NKAIN2: variants seen among roughly 807,000 people sequenced by gnomAD.
NKAIN2 encodes the protein sodium/potassium transporting ATPase interacting 2, also known as sodium/potassium-transporting ATPase subunit beta-1-interacting protein 2.
Under a neutral mutation model 32.6 loss-of-function variants are expected in NKAIN2, and 14 were observed. The ratio of observed to expected loss-of-function variants is 0.43; its 90% confidence interval spans 0.28 to 0.67. The LOEUF (loss-of-function observed/expected upper bound fraction) is 0.67. Among genes scored for constraint, NKAIN2 ranks in the 30% least tolerant of loss-of-function variants. The pLI is 0.17. For missense variants in NKAIN2, 198 were observed against 258.3 expected, an observed-to-expected ratio of 0.77 and a Z score of 1.60; for synonymous variants, 80 against 87.2, an observed-to-expected ratio of 0.92 and a Z score of 0.46.
intron 1 of NKAIN2, among the ~76,000 whole-genome samples, chr6:124,134,811 G>T (rs996760247): frequency 1.3e-5 from 2 of 152,188 alleles, no homozygotes; most frequent in African/African-American, 4.8e-5. Context: ...GAAATTAGTT[G>T]TGAAAAGATT....
At chr6:124,476,569 T>A (rs182445701) in intron 3 of NKAIN2, among the ~76,000 whole-genome samples, 36 of 152,276 alleles carry the variant, frequency 2.4e-4, no homozygotes, top group Non-Finnish European at 2.4e-4. Flanking sequence ...AGAAACCAAT[T>A]AAATCTAGTC....
At chr6:123,902,037 G>C (rs1774614300) in intron 1 of NKAIN2, among the ~76,000 whole-genome samples, 1 of 152,114 alleles carries the variant, frequency 6.6e-6, no homozygotes, top group Non-Finnish European at 1.5e-5. Context: ...AGAATAATCT[G>C]TCTCTGTAGA....
At chr6:124,735,943 A>C (rs1776916350) in intron 4 of NKAIN2, among the ~76,000 whole-genome samples, 1 of 151,930 alleles carries the variant, frequency 6.6e-6, no homozygotes, top group Admixed American at 6.6e-5. Flanking sequence ...TTCAAGTGAA[A>C]GGTAGAGCCA....
At chr6:124,521,740 TG>T (rs1199539746) in intron 3 of NKAIN2, among the ~76,000 whole-genome samples, 1 of 152,194 alleles carries the variant, frequency 6.6e-6, no homozygotes, top group Non-Finnish European at 1.5e-5. Context: ...GTAAAATATT[TG>T]GGGCATGTGC....
At chr6:124,386,084 A>G (rs1772887180) in intron 3 of NKAIN2, among the ~76,000 whole-genome samples, 1 of 152,048 alleles carries the variant, frequency 6.6e-6, no homozygotes, top group Non-Finnish European at 1.5e-5. Context: ...AGATTTTTTA[A>G]GATTAGAAAA....
chr6:124,640,769 T>C (rs1464068375), intron 3 of NKAIN2, among the ~76,000 whole-genome samples: 1 of 152,254 alleles, frequency 6.6e-6, no homozygotes, highest in African/African-American at 2.4e-5. Flanking sequence ...ATTTTGAGCC[T>C]GGAAGTTCGA....
At chr6:124,577,971 C>T (rs1781392532) in intron 3 of NKAIN2, among the ~76,000 whole-genome samples, 1 of 152,178 alleles carries the variant, frequency 6.6e-6, no homozygotes, top group Admixed American at 6.5e-5. Context: ...AGAAGGGAAC[C>T]TGCTATCTTG....
rs569874381 is a variant in NKAIN2, at chr6:124,206,387, A to G, written c.55-76618A>G. ...ATTCCCTACTTGCTTAAGGGAACACAGATATTTCTATAAATCAGAAAGTTT... is the reference window on the plus strand; with the variant it reads ...ATTCCCTACTTGCTTAAGGGAACACGGATATTTCTATAAATCAGAAAGTTT... On this transcript the variant is annotated intron_variant, in intron 1 of 6. Transcript: ENST00000368417. Among the ~76,000 whole-genome samples, 13 of 152,062 alleles carry G rather than the reference A, an allele frequency of 8.5e-5. No individual in the cohort carries two copies. In the South Asian group the frequency reaches 2.7e-3, roughly 31 times the overall value.
chr6:124,138,667 T>TATTATTAA (rs1562379910), intron 1 of NKAIN2, among the ~76,000 whole-genome samples: 27 of 145,442 alleles, frequency 1.9e-4, no homozygotes, highest in African/African-American at 6.2e-4. Flanking sequence ...TGTTATATTA[T>TATTATTAA]TAATTATGTT....
At chr6:124,558,806 G>A (rs903442591) in intron 3 of NKAIN2, among the ~76,000 whole-genome samples, 12 of 152,092 alleles carry the variant, frequency 7.9e-5, no homozygotes, top group African/African-American at 1.7e-4. Flanking sequence ...AAAATTAGCC[G>A]GGCATGGTGG....
At chr6:123,909,322 G>A (rs766070173) in intron 1 of NKAIN2, among the ~76,000 whole-genome samples, 2 of 152,076 alleles carry the variant, frequency 1.3e-5, no homozygotes, top group African/African-American at 2.4e-5. Context: ...TGCAAGTAGA[G>A]GAATATTTAT....
intron 1 of NKAIN2, among the ~76,000 whole-genome samples, chr6:124,063,605 C>A (rs950749246): frequency 2.2e-4 from 34 of 152,136 alleles, no homozygotes; most frequent in African/African-American, 7.9e-4. Flanking sequence ...TTTAGCTATT[C>A]AATGAATGAT....
At chr6:124,806,144 C>T (rs1466242907) in intron 5 of NKAIN2, among the ~76,000 whole-genome samples, 1 of 152,044 alleles carries the variant, frequency 6.6e-6, no homozygotes, top group Non-Finnish European at 1.5e-5. Flanking sequence ...GAGAACACCA[C>T]AAAGATACTC....
chr6:123,889,440 G>C (rs1399957104), intron 1 of NKAIN2, among the ~76,000 whole-genome samples: 1 of 152,088 alleles, frequency 6.6e-6, no homozygotes, highest in Non-Finnish European at 1.5e-5. Context: ...AGGTTTCTTA[G>C]AGGAAAGGAA....
At chr6:123,919,627 C>A (rs1775656471) in intron 1 of NKAIN2, among the ~76,000 whole-genome samples, 1 of 152,074 alleles carries the variant, frequency 6.6e-6, no homozygotes, top group African/African-American at 2.4e-5. Context: ...AACATTGAAA[C>A]CTACATGGTG....
At chr6:124,207,495 T>C (rs1790952237) in intron 1 of NKAIN2, among the ~76,000 whole-genome samples, 1 of 150,716 alleles carries the variant, frequency 6.6e-6, no homozygotes. Context: ...TGTTGCCATA[T>C]GATTTTTACA....
chr6:124,100,120 T>G (rs949299039), intron 1 of NKAIN2, among the ~76,000 whole-genome samples: 6 of 152,348 alleles, frequency 3.9e-5, no homozygotes, highest in African/African-American at 9.6e-5. Context: ...CTGCAGAAAT[T>G]TCTTCCTCAT....
chr6:124,355,188 G>A (rs1798915658), intron 2 of NKAIN2, 79 bp from the exon 3 acceptor site: 2 of 871,568 alleles, frequency 2.3e-6, no homozygotes, highest in South Asian at 2.9e-5. Context: ...ATTAGGGTGT[G>A]CGAAAGTTCG....
chr6:124,222,886 A>G (rs566577320), intron 1 of NKAIN2, among the ~76,000 whole-genome samples: 1 of 152,172 alleles, frequency 6.6e-6, no homozygotes, highest in African/African-American at 2.4e-5. Context: ...ATCCTAATTC[A>G]TACTGTAAGT....
Sources: allele counts gnomAD v4.1 joint callset (sites outside exome capture counted in the v4.1 genomes callset), GRCh38; gene constraint gnomAD v4.1.1; transcripts MANE v1.5; gene names NCBI Gene and HGNC (gene_info 2026-07-23, HGNC 2026-07-21).